SEMA6D: variants seen among roughly 807,000 people sequenced by gnomAD.
The protein encoded by SEMA6D is semaphorin-6D.
A neutral mutation model predicts 106.6 loss-of-function variants in SEMA6D; 35 were observed. The ratio of observed to expected loss-of-function variants is 0.33; its 90% CI spans 0.25 to 0.44. The LOEUF is 0.44. Ranked by LOEUF, SEMA6D falls within the 20% of genes least tolerant of loss-of-function variation. The pLI is 1.00. For synonymous variants in SEMA6D, 499 were observed against 487.7 expected, an observed-to-expected ratio of 1.02 and a Z score of -0.31; for missense variants, 1,185 against 1,345.9, an observed-to-expected ratio of 0.88 and a Z score of 1.87.
chr15:47,285,408 T>A (rs1391488417), intron 1 of SEMA6D, among the ~76,000 whole-genome samples: 1 of 152,122 alleles, frequency 6.6e-6, no homozygotes, highest in Non-Finnish European at 1.5e-5. Context: ...TCTTACTTTA[T>A]TGGAGAGGAG....
At chr15:47,309,202 T>A (rs925369399) in intron 1 of SEMA6D, among the ~76,000 whole-genome samples, 1 of 152,170 alleles carries the variant, frequency 6.6e-6, no homozygotes, top group Non-Finnish European at 1.5e-5. Flanking sequence ...CCCATGTCAA[T>A]CACCATTTGG....
chr15:47,361,941 A>C (rs1044457524), intron 1 of SEMA6D, among the ~76,000 whole-genome samples: 2 of 152,246 alleles, frequency 1.3e-5, no homozygotes, highest in Non-Finnish European at 2.9e-5. Context: ...CTCTTCGAAG[A>C]ATTCCAATTT....
intron 1 of SEMA6D, among the ~76,000 whole-genome samples, chr15:47,265,514 T>G (rs1226009261): frequency 6.6e-6 from 1 of 152,046 alleles, no homozygotes; most frequent in African/African-American, 2.4e-5. Flanking sequence ...TTACTTTAAT[T>G]ATGGTTTCCT....
chr15:47,495,143 G>A (rs2043610399), intron 3 of SEMA6D, among the ~76,000 whole-genome samples: 1 of 151,712 alleles, frequency 6.6e-6, no homozygotes, highest in South Asian at 2.1e-4. Flanking sequence ...CTTTGAATAG[G>A]AAAAGAAAAA....
chr15:47,494,747 T>TATATAG (rs2043587517), intron 3 of SEMA6D, among the ~76,000 whole-genome samples: 1 of 52,638 alleles, frequency 1.9e-5, no homozygotes, highest in African/African-American at 1.5e-4. Context: ...TGGAGATATA[T>TATATAG]ATATATATAT....
chr15:47,744,401 C>T (rs139243280), intron 1 of SEMA6D, among the ~76,000 whole-genome samples: 8 of 152,124 alleles, frequency 5.3e-5, no homozygotes, highest in Admixed American at 3.9e-4. Flanking sequence ...GAAACCTAGA[C>T]AGAGGTCCTG....
chr15:47,261,537 AC>A (rs2034075701), intron 1 of SEMA6D, among the ~76,000 whole-genome samples: 1 of 152,104 alleles, frequency 6.6e-6, no homozygotes. Flanking sequence ...TATATACATC[AC>A]CCATTTAAAG....
At chr15:47,203,955 C>CA (rs1174760924) in intron 1 of SEMA6D, among the ~76,000 whole-genome samples, 1 of 152,088 alleles carries the variant, frequency 6.6e-6, no homozygotes, top group African/African-American at 2.4e-5. Context: ...ATAGATAATA[C>CA]AAAATAATTT....
chr15:47,562,383 T>C (rs555921808), intron 3 of SEMA6D, among the ~76,000 whole-genome samples: 1 of 152,224 alleles, frequency 6.6e-6, no homozygotes, highest in East Asian at 1.9e-4. Flanking sequence ...CTGCATAAGC[T>C]TGGTTAATCA....
intron 1 of SEMA6D, among the ~76,000 whole-genome samples, chr15:47,225,256 T>C (rs1254473793): frequency 6.6e-6 from 1 of 152,032 alleles, no homozygotes; most frequent in African/African-American, 2.4e-5. Context: ...GGTGGCTGTA[T>C]CATTTTGTGT....
At chr15:47,368,269 C>T (rs550414059) in intron 1 of SEMA6D, among the ~76,000 whole-genome samples, 2 of 152,310 alleles carry the variant, frequency 1.3e-5, no homozygotes, top group South Asian at 2.1e-4. Context: ...CTCCATCAGC[C>T]GGTGGTCAGA....
intron 1 of SEMA6D, among the ~76,000 whole-genome samples, chr15:47,360,581 AG>A (rs1208642671): frequency 2.0e-5 from 3 of 152,242 alleles, no homozygotes; most frequent in Non-Finnish European, 4.4e-5. Context: ...TACAGGCATA[AG>A]GTGAGAAAAT....
intron 2 of SEMA6D, among the ~76,000 whole-genome samples, chr15:47,461,079 T>G (rs2042494105): frequency 6.6e-6 from 1 of 152,154 alleles, no homozygotes; most frequent in South Asian, 2.1e-4. Context: ...CTCATTTCTA[T>G]GCCAATGCGT....
At chr15:47,206,135 A>G (rs1430227541) in intron 1 of SEMA6D, among the ~76,000 whole-genome samples, 1 of 152,208 alleles carries the variant, frequency 6.6e-6, no homozygotes, top group Non-Finnish European at 1.5e-5. Flanking sequence ...ATTAACCTCA[A>G]GCCACATGCC....
intron 1 of SEMA6D, among the ~76,000 whole-genome samples, chr15:47,347,155 G>A (rs1032998455): frequency 2.0e-5 from 3 of 152,084 alleles, no homozygotes; most frequent in Non-Finnish European, 4.4e-5. Context: ...AGATCCGCCC[G>A]CCTCAGCCTC....
chr15:47,729,207 C>T (rs779092927), intron 1 of SEMA6D, among the ~76,000 whole-genome samples: 1 of 152,174 alleles, frequency 6.6e-6, no homozygotes, highest in Non-Finnish European at 1.5e-5. Flanking sequence ...GTGAGAAAAG[C>T]CCTGTTGCTT....
At chr15:47,635,964 A>G (rs1270649607) in intron 4 of SEMA6D, among the ~76,000 whole-genome samples, 1 of 152,132 alleles carries the variant, frequency 6.6e-6, no homozygotes, top group Non-Finnish European at 1.5e-5. Flanking sequence ...TGCTAAAAAA[A>G]AAAAAAAAAA....
chr15:47,702,422 A>G (rs76978240), intron 4 of SEMA6D, among the ~76,000 whole-genome samples: 8,074 of 152,306 alleles, frequency 0.053, 588 homozygotes, highest in African/African-American at 0.14. Flanking sequence ...GCTGATGGGA[A>G]TGCAAAATGG....
At chr15:47,330,942 C>T (rs1234343626) in intron 1 of SEMA6D, among the ~76,000 whole-genome samples, 1 of 152,166 alleles carries the variant, frequency 6.6e-6, no homozygotes, top group East Asian at 1.9e-4. Flanking sequence ...AAGGATGAGA[C>T]ACTATGCTGG....
Sources: gnomAD v4.1 joint callset for allele counts (sites outside exome capture counted in the v4.1 genomes callset) on GRCh38, gnomAD v4.1.1 for gene constraint, MANE v1.5 for transcripts, NCBI Gene and HGNC (gene_info 2026-07-23, HGNC 2026-07-21) for gene names.